The following ST3GAL3 variants were observed in gnomAD, a reference collection of about 807,000 sequenced individuals.
ST3GAL3 encodes CMP-N-acetylneuraminate-beta-1,4-galactoside alpha-2,3-sialyltransferase.
Under a neutral mutation model 50.1 loss-of-function variants are expected in ST3GAL3, and 21 were observed. The observed-to-expected ratio is 0.42, with a 90% CI of 0.30 to 0.60. The LOEUF (loss-of-function observed/expected upper bound fraction) is 0.60. Ranked by LOEUF, ST3GAL3 falls within the 20% of genes least tolerant of loss-of-function variation. ST3GAL3 has a pLI of 0.19. For synonymous variants in ST3GAL3, 183 were observed against 190.0 expected (o/e 0.96, Z 0.30); for missense variants, 353 against 489.4 (o/e 0.72, Z 2.63).
At chr1:43,912,379 T>TA (rs1328736316) in intron 9 of ST3GAL3, 1 of 152,036 alleles carries the variant, frequency 6.6e-6, no homozygotes. Context: ...GGTACAGAGT[T>TA]AGAGTAGTTG....
At chr1:43,879,631 G>T (rs1558700133) in intron 5 of ST3GAL3, 32 of 334,976 alleles carry the variant, frequency 9.6e-5, no homozygotes, top group South Asian at 7.6e-4. Context: ...CCATCCAGTT[G>T]GCAAGAGAGA....
At chr1:43,782,431 T>C (rs569813860) in intron 2 of ST3GAL3, among the ~76,000 whole-genome samples, 2 of 152,334 alleles carry the variant, frequency 1.3e-5, no homozygotes, top group South Asian at 4.1e-4. Flanking sequence ...CAAAAATCTG[T>C]TGATATCATT....
intron 6 of ST3GAL3, among the ~76,000 whole-genome samples, chr1:43,897,867 T>G (rs2077614755): frequency 6.6e-6 from 1 of 152,160 alleles, no homozygotes; most frequent in South Asian, 2.1e-4. Context: ...GAGCAGGTAC[T>G]CCCATTCCAG....
At chr1:43,851,362 C>CA (rs1314752882) in intron 5 of ST3GAL3, 9 of 1,583,100 alleles carry the variant, frequency 5.7e-6, no homozygotes, top group South Asian at 1.1e-5. Context: ...CAGTTACACT[C>CA]AAAGTTTGCA....
At chr1:43,845,131 C>CA (rs1160720915) in intron 5 of ST3GAL3, among the ~76,000 whole-genome samples, 1 of 151,944 alleles carries the variant, frequency 6.6e-6, no homozygotes, top group Non-Finnish European at 1.5e-5. Flanking sequence ...TACAGGTGTG[C>CA]ACCACCATGC....
chr1:43,858,998 G>C (rs1489873242), intron 5 of ST3GAL3, among the ~76,000 whole-genome samples: 1 of 152,218 alleles, frequency 6.6e-6, no homozygotes, highest in Admixed American at 6.5e-5. Context: ...CCTACTCAGG[G>C]AGCCTGAGTT....
In ST3GAL3 at chr1:43,899,452, A is replaced by C. The variant is rs1027108022; in HGVS notation, c.558-89A>C. The C allele has an allele frequency of 1.0e-5, 16 of 1,588,860 alleles. No individual in the cohort carries two copies. Among genetic ancestry groups the C allele is most frequent in the East Asian group, 4.5e-5 (2 of 44,534 alleles). On this transcript the variant is annotated intron_variant, in intron 8 of 11. Transcript: ENST00000347631. This position sits in a 1 kb window ranked among gnomAD's most constrained non-coding sequence, Gnocchi z 5.4. The stretch of plus-strand genomic sequence containing the variant: ...GGGAGAATAGGTCCAGGTGACCTGG[A>C]CTCCCTATTCTCCATGCCTGGGATA...
At chr1:43,856,892 A>G (rs1276145678) in intron 5 of ST3GAL3, among the ~76,000 whole-genome samples, 1 of 151,912 alleles carries the variant, frequency 6.6e-6, no homozygotes, top group East Asian at 1.9e-4. Flanking sequence ...TCTTTGCTCT[A>G]TCTTCCAATT....
intron 5 of ST3GAL3, among the ~76,000 whole-genome samples, chr1:43,859,067 A>G (rs1286543268): frequency 1.3e-5 from 2 of 152,228 alleles, no homozygotes; most frequent in African/African-American, 4.8e-5. Context: ...ACGTAGGTCC[A>G]TACACAGCCC....
At chr1:43,786,201 T>C (rs1208984587) in intron 2 of ST3GAL3, among the ~76,000 whole-genome samples, 2 of 152,150 alleles carry the variant, frequency 1.3e-5, no homozygotes, top group Admixed American at 1.3e-4. Flanking sequence ...TCCCACATAA[T>C]GGCCCAAGTT....
intron 5 of ST3GAL3, among the ~76,000 whole-genome samples, chr1:43,871,505 G>A (rs2072733377): frequency 7.0e-6 from 1 of 143,360 alleles, no homozygotes. Flanking sequence ...GAGAGGATGG[G>A]GTGTGAGGGA....
Position 43,899,149 on chromosome 1 carries a change from T to TCCG in ST3GAL3, c.462-16_462-14dup, listed in dbSNP as rs1280364915. On this transcript the variant is annotated intron_variant, in intron 7 of 11. Transcript: ENST00000347631. The surrounding 1 kb of genome is among the most constrained non-coding windows in gnomAD (Gnocchi z 5.4). The stretch of plus-strand genomic sequence containing the variant: ...GTGGGCAGCTCTCTGTACAGAGGTC[T>TCCG]CCGCCTCTCTCCCCTCAGCCTCCGC... 5 of 1,613,920 alleles carry TCCG rather than the reference T, an allele frequency of 3.1e-6. No homozygotes were observed. Among genetic ancestry groups the TCCG allele is most frequent in the Admixed American group, 1.7e-5 (1 of 60,006 alleles).
rs189956384 is a variant in ST3GAL3 at position 43,909,544 on chromosome 1, C to T, written c.744+9817C>T. Among the ~76,000 whole-genome samples the T allele has an allele frequency of 2.5e-4, 38 of 152,294 alleles. 1 individual carries two copies. In the East Asian group the frequency reaches 6.0e-3, roughly 24 times the overall value. The stretch of plus-strand genomic sequence containing the variant: ...TCAAAAAGTTTTCTGACCCTCTCCT[C>T]ATAGCACACATCAAAATAAATCCCA... On this transcript the variant is annotated intron_variant, in intron 9 of 11. Transcript: ENST00000347631.
intron 7 of ST3GAL3, 112 bp downstream of exon 7, chr1:43,898,410 C>T: frequency 9.6e-7 from 1 of 1,046,734 alleles, no homozygotes; most frequent in Non-Finnish European, 1.5e-6. Flanking sequence ...CACATCCACA[C>T]ATGCACATAC....
intron 3 of ST3GAL3, among the ~76,000 whole-genome samples, chr1:43,813,440 GT>G (rs1336489889): frequency 6.6e-6 from 1 of 152,098 alleles, no homozygotes; most frequent in Non-Finnish European, 1.5e-5. Context: ...TTCTTGATAT[GT>G]TAAGGCAAGT....
rs78701055 is a variant in ST3GAL3 at position 43,818,488 on chromosome 1, C to T, written c.209+3555C>T. Reference sequence around the variant, plus strand: ...CAGACTTTCCATAGAGGAAGACATACACATTCCTCACAAATAACTTTTCAA... The same window carrying T: ...CAGACTTTCCATAGAGGAAGACATATACATTCCTCACAAATAACTTTTCAA... On this transcript the variant is annotated intron_variant, in intron 4 of 11. Transcript: ENST00000347631. Among the ~76,000 whole-genome samples the T allele has an allele frequency of 9.6e-3, 1,457 of 152,262 alleles. 21 individuals are homozygous for T. The highest frequency in any genetic ancestry group is 0.033 in the African/African-American group (1,390 of 41,538).
chr1:43,742,672 A>T (rs1022338603), intron 2 of ST3GAL3, among the ~76,000 whole-genome samples: 1 of 152,244 alleles, frequency 6.6e-6, no homozygotes, highest in African/African-American at 2.4e-5. Flanking sequence ...ACTATTATGA[A>T]TATATTTAAA....
intron 5 of ST3GAL3, among the ~76,000 whole-genome samples, chr1:43,857,050 G>A (rs1001082198): frequency 8.5e-5 from 13 of 152,252 alleles, no homozygotes; most frequent in African/African-American, 2.6e-4. Context: ...TGTAGGAGAA[G>A]TTCTAGGCCT....
At chr1:43,751,904 C>T (rs989814828) in intron 2 of ST3GAL3, among the ~76,000 whole-genome samples, 7 of 151,980 alleles carry the variant, frequency 4.6e-5, no homozygotes, top group African/African-American at 1.7e-4. Context: ...ACTGCAACCT[C>T]CACCTCCGGG....
Sources: gnomAD v4.1 joint callset for allele counts (sites outside exome capture counted in the v4.1 genomes callset) on GRCh38, gnomAD v4.1.1 for gene constraint, Gnocchi (gnomAD v3.1) non-coding constraint, MANE v1.5 for transcripts, NCBI Gene and HGNC (gene_info 2026-07-23, HGNC 2026-07-21) for gene names.